Variants in IL1R1 observed in about 807,000 individuals in gnomAD.
The protein encoded by IL1R1 is interleukin 1 receptor type 1.
In IL1R1, 22 loss-of-function variants were observed where a neutral mutation model predicts 50.2. That is an observed-to-expected ratio of 0.44 (90% CI 0.31 to 0.63). IL1R1 has a LOEUF of 0.63. IL1R1 is among the 20% of genes least tolerant of loss of function. The pLI, the probability that IL1R1 is intolerant of heterozygous loss-of-function variation, is 0.07. For synonymous variants in IL1R1, 251 were observed against 236.7 expected (o/e 1.06, Z -0.55); for missense variants, 509 against 676.2 (o/e 0.75, Z 2.74).
In IL1R1 at chr2:102,114,981, G is replaced by A. The variant is rs936685793; in HGVS notation, c.-84+10109G>A. Among the ~76,000 whole-genome samples, 6 of 152,208 alleles carry A rather than the reference G, an allele frequency of 3.9e-5. No individual in the cohort carries two copies. In the East Asian group the frequency reaches 7.7e-4, roughly 20 times the overall value. ...TGAAAATGGACATTGCTGCTGCCTCGGTGACATACAAATAGGGGAAATGTC... is the reference window on the plus strand; with the variant it reads ...TGAAAATGGACATTGCTGCTGCCTCAGTGACATACAAATAGGGGAAATGTC... On this transcript the variant is annotated intron_variant, in intron 1 of 10. Coordinates refer to the IL1R1 transcript ENST00000409329.
intron 1 of IL1R1, among the ~76,000 whole-genome samples, chr2:102,078,286 T>C (rs1017865442): frequency 2.0e-5 from 3 of 151,966 alleles, no homozygotes; most frequent in African/African-American, 4.8e-5. Context: ...TTATCTTCTC[T>C]GAAAAGATAA....
intron 1 of IL1R1, among the ~76,000 whole-genome samples, chr2:102,148,820 G>C (rs1297245099): frequency 6.6e-6 from 1 of 152,132 alleles, no homozygotes; most frequent in Admixed American, 6.5e-5. Context: ...TTTTAACAAT[G>C]ATGGGGACTT....
intron 1 of IL1R1, among the ~76,000 whole-genome samples, chr2:102,108,530 A>C (rs1362360075): frequency 6.6e-6 from 1 of 152,092 alleles, no homozygotes; most frequent in African/African-American, 2.4e-5. Context: ...TGACACCCAG[A>C]GGGCGGATCA....
intron 1 of IL1R1, among the ~76,000 whole-genome samples, chr2:102,099,465 G>C (rs554487209): frequency 2.6e-5 from 4 of 152,100 alleles, no homozygotes; most frequent in Non-Finnish European, 4.4e-5. Context: ...CATGGCCTTC[G>C]TTCCATCTCT....
At chr2:102,096,854 T>C (rs1454557951) in intron 1 of IL1R1, among the ~76,000 whole-genome samples, 1 of 151,004 alleles carries the variant, frequency 6.6e-6, no homozygotes, top group Non-Finnish European at 1.5e-5. Flanking sequence ...TGCCTTAGTA[T>C]GAGATTCATC....
intron 1 of IL1R1, among the ~76,000 whole-genome samples, chr2:102,091,528 A>G (rs551706477): frequency 3.9e-5 from 6 of 152,362 alleles, no homozygotes; most frequent in South Asian, 4.1e-4. Context: ...TTTATGGGGT[A>G]CATGTGATAT....
At chr2:102,119,714 G>T (rs1379618756) in intron 1 of IL1R1, among the ~76,000 whole-genome samples, 1 of 151,972 alleles carries the variant, frequency 6.6e-6, no homozygotes, top group African/African-American at 2.4e-5. Flanking sequence ...ACAACATGAG[G>T]ATTTGTTGTA....
intron 9 of IL1R1, among the ~76,000 whole-genome samples, 180 bp downstream of exon 9, chr2:102,173,018 T>C (rs1190842131): frequency 6.6e-6 from 1 of 152,216 alleles, no homozygotes; most frequent in Non-Finnish European, 1.5e-5. Flanking sequence ...TTTTCTGTCC[T>C]GCTGCCTGCC....
In IL1R1 at chr2:102,178,710, G is replaced by A. The variant is rs1168987268; in HGVS notation, c.*1951G>A. ...CTAAATGTTGGAATTTTCAAAAATT[G>A]TGTTTAGATTTTATGAAAAACTCTT... On this transcript the variant is annotated 3_prime_UTR_variant, in exon 12 of 12. Coordinates refer to ENST00000410023, the MANE Select transcript of IL1R1 (RefSeq NM_000877.4). The A allele has an allele frequency of 1.3e-5, 2 of 152,244 alleles. No individual in the cohort carries two copies. The highest frequency in any genetic ancestry group is 6.5e-5 in the Admixed American group (1 of 15,272). 9.4% of individuals were successfully genotyped at this position (152,244 alleles called of 1,614,324 possible). A position where few individuals can be genotyped will look rare whatever the true frequency, so the allele number is the denominator to read the frequency against.
chr2:102,153,693 C>T (rs1266322102), intron 1 of IL1R1, among the ~76,000 whole-genome samples: 1 of 152,184 alleles, frequency 6.6e-6, no homozygotes, highest in African/African-American at 2.4e-5. Context: ...CCCTTGCTCT[C>T]TCTCCTGCTG....
chr2:102,161,456 G>A lies in IL1R1; in HGVS notation c.62-3318G>A, dbSNP rs144090144. 1.8e-4 allele frequency among the ~76,000 whole-genome samples: 28 copies of A among 152,268 alleles called. 1 individual carries two copies. The highest frequency in any genetic ancestry group is 2.6e-4 in the Admixed American group (4 of 15,296). ...AAATATCAATTATGTCAAATTGGTT[G>A]ATAGTGTTGTTCAAATCTTCTATGT... On this transcript the variant is annotated intron_variant, in intron 3 of 11. Coordinates refer to ENST00000410023, the MANE Select transcript of IL1R1 (RefSeq NM_000877.4).
chr2:102,176,677 GGTCACCTTCATCTAAACACCAGTTACT>G lies in IL1R1; in HGVS notation c.1635_1661del (p.Ser546_Pro554del). 6.2e-7 allele frequency: 1 copy of G among 1,614,144 alleles called. No homozygotes were observed. The highest frequency in any genetic ancestry group is 8.5e-7 in the Non-Finnish European group (1 of 1,180,016). On this transcript the variant is annotated inframe_deletion, in exon 12 of 12. Coordinates refer to ENST00000410023, the MANE Select transcript of IL1R1 (RefSeq NM_000877.4). The stretch of plus-strand genomic sequence containing the variant: ...AGGTACCACATGCCAGTCCAGCGAC[GGTCACCTTCATCTAAACACCAGTTACT>G]GTCACCAGCCACTAAGGAGAAACTG...
At chr2:102,082,722 A>G (rs1679269262) in intron 1 of IL1R1, among the ~76,000 whole-genome samples, 1 of 152,170 alleles carries the variant, frequency 6.6e-6, no homozygotes, top group South Asian at 2.1e-4. Context: ...TCAAGCGAGC[A>G]TGCCATCAGC....
upstream of IL1R1, among the ~76,000 whole-genome samples, chr2:102,140,349 C>T (rs1682574685): frequency 6.6e-6 from 1 of 152,114 alleles, no homozygotes; most frequent in Non-Finnish European, 1.5e-5. Flanking sequence ...GAAACTCTTC[C>T]CAAAGAGGGT....
upstream of IL1R1, among the ~76,000 whole-genome samples, chr2:102,102,017 T>A (rs1680165376): frequency 6.6e-6 from 1 of 152,140 alleles, no homozygotes. Context: ...TTCACACAGG[T>A]TAACTAAACA....
chr2:102,137,420 T>C (rs1682407745), intron 1 of IL1R1, among the ~76,000 whole-genome samples: 1 of 152,226 alleles, frequency 6.6e-6, no homozygotes, highest in African/African-American at 2.4e-5. Flanking sequence ...CTAACTAGAA[T>C]TGACTGGCCT....
chr2:102,151,879 A>G (rs915371406), intron 1 of IL1R1, among the ~76,000 whole-genome samples: 29 of 152,148 alleles, frequency 1.9e-4, no homozygotes, highest in African/African-American at 6.8e-4. Context: ...GTGCTTATAA[A>G]CGGCAAGGTA....
At chr2:102,117,496 AATTTC>A (rs1197138790) in intron 1 of IL1R1, among the ~76,000 whole-genome samples, 1 of 152,210 alleles carries the variant, frequency 6.6e-6, no homozygotes, top group Non-Finnish European at 1.5e-5. Flanking sequence ...AGTGTCTTCC[AATTTC>A]TTGGATCCTT....
At chr2:102,115,633 C>A (rs1227543702) in intron 1 of IL1R1, among the ~76,000 whole-genome samples, 1 of 152,098 alleles carries the variant, frequency 6.6e-6, no homozygotes, top group East Asian at 1.9e-4. Flanking sequence ...TTGCCTGTTT[C>A]TCCTGGTCGG....
Sources: allele counts gnomAD v4.1 joint callset (sites outside exome capture counted in the v4.1 genomes callset), GRCh38; gene constraint gnomAD v4.1.1; transcripts MANE v1.5; gene names NCBI Gene and HGNC (gene_info 2026-07-23, HGNC 2026-07-21).